The following STEAP1B variants were observed in gnomAD, a reference collection of about 807,000 sequenced individuals.
STEAP1B encodes STEAP family protein MGC87042.
A neutral mutation model predicts 27.9 loss-of-function variants in STEAP1B; 13 were observed. The ratio of observed to expected loss-of-function variants is 0.47; its 90% CI spans 0.30 to 0.74. The LOEUF is 0.74. Among genes scored for constraint, STEAP1B ranks in the 30% least tolerant of loss-of-function variants. The probability of loss-of-function intolerance (pLI) is 0.06; values close to 1 mark genes in which losing one functional copy is unlikely to be tolerated. For missense variants in STEAP1B, 250 were observed against 298.7 expected (o/e 0.84, Z 1.20); for synonymous variants, 86 against 107.1 (o/e 0.80, Z 1.22).
intron 4 of STEAP1B, among the ~76,000 whole-genome samples, chr7:22,487,802 C>T (rs202069434): frequency 0.11 from 14,164 of 133,440 alleles, 773 homozygotes; most frequent in Non-Finnish European, 0.12. Flanking sequence ...CAAAACTCCA[C>T]CCAAAAAAAA....
chr7:22,474,203 G>C (rs921325941), intron 4 of STEAP1B, among the ~76,000 whole-genome samples: 2 of 152,142 alleles, frequency 1.3e-5, no homozygotes, highest in Admixed American at 1.3e-4. Flanking sequence ...AATATGTATA[G>C]ATGTCCCATG....
At chr7:22,456,250 G>A (rs1785577236) in intron 4 of STEAP1B, among the ~76,000 whole-genome samples, 1 of 152,158 alleles carries the variant, frequency 6.6e-6, no homozygotes, top group Non-Finnish European at 1.5e-5. Context: ...AAAGATCCAT[G>A]GTTTGGATTG....
chr7:22,436,959 G>A (rs1785262732), intron 4 of STEAP1B, among the ~76,000 whole-genome samples: 1 of 152,154 alleles, frequency 6.6e-6, no homozygotes, highest in Non-Finnish European at 1.5e-5. Context: ...AAGATTTCAT[G>A]ATGAAGACAA....
intron 4 of STEAP1B, among the ~76,000 whole-genome samples, chr7:22,452,192 T>C (rs1375444755): frequency 3.3e-5 from 5 of 152,152 alleles, no homozygotes; most frequent in African/African-American, 1.2e-4. Context: ...GAAAGGTAAG[T>C]AAGGAAAGAC....
chr7:22,451,226 G>T (rs1373376239), intron 4 of STEAP1B, among the ~76,000 whole-genome samples: 3 of 151,640 alleles, frequency 2.0e-5, no homozygotes, highest in Non-Finnish European at 4.4e-5. Flanking sequence ...TACTTTTTCA[G>T]ATTGTTCATT....
intron 4 of STEAP1B, among the ~76,000 whole-genome samples, chr7:22,425,361 C>G (rs1299043180): frequency 2.0e-5 from 3 of 152,174 alleles, no homozygotes; most frequent in Non-Finnish European, 4.4e-5. Context: ...CAGTATTATC[C>G]ATGGCCTATA....
At chr7:22,450,179 T>G (rs917900927) in intron 4 of STEAP1B, among the ~76,000 whole-genome samples, 1 of 152,192 alleles carries the variant, frequency 6.6e-6, no homozygotes, top group Admixed American at 6.5e-5. Flanking sequence ...CCTGTGCTTG[T>G]GGAGTATTAC....
At chr7:22,484,985 A>G (rs948901136) in intron 4 of STEAP1B, among the ~76,000 whole-genome samples, 1 of 152,256 alleles carries the variant, frequency 6.6e-6, no homozygotes, top group African/African-American at 2.4e-5. Flanking sequence ...TAAAACTTGA[A>G]CAAGTGAGGA....
chr7:22,431,358 TCTCC>T (rs1785184854), intron 4 of STEAP1B, among the ~76,000 whole-genome samples: 1 of 152,168 alleles, frequency 6.6e-6, no homozygotes, highest in Non-Finnish European at 1.5e-5. Context: ...AAAAAATCTC[TCTCC>T]CAATAGCTCT....
intron 4 of STEAP1B, among the ~76,000 whole-genome samples, chr7:22,481,727 G>A (rs933587412): frequency 6.6e-6 from 1 of 152,214 alleles, no homozygotes; most frequent in Non-Finnish European, 1.5e-5. Context: ...CTACATTTCA[G>A]TGCACTTAGA....
At chr7:22,427,142 T>C (rs1289215551) in intron 4 of STEAP1B, among the ~76,000 whole-genome samples, 1 of 152,174 alleles carries the variant, frequency 6.6e-6, no homozygotes, top group Non-Finnish European at 1.5e-5. Flanking sequence ...CAGTGGGCCA[T>C]GCAGTGACCT....
At chr7:22,492,185 G>T (rs557963885) in intron 4 of STEAP1B, among the ~76,000 whole-genome samples, 3 of 151,732 alleles carry the variant, frequency 2.0e-5, no homozygotes, top group African/African-American at 7.3e-5. Flanking sequence ...TGGACATGGT[G>T]ATGGGTGCCT....
chr7:22,462,468 G>T (rs1309496140), intron 4 of STEAP1B, among the ~76,000 whole-genome samples: 1 of 130,338 alleles, frequency 7.7e-6, no homozygotes, highest in Non-Finnish European at 1.6e-5. Context: ...ACCTATGAGT[G>T]AGAATACGCG....
At chr7:22,490,683 GT>G (rs1469118525) in intron 4 of STEAP1B, among the ~76,000 whole-genome samples, 2 of 152,178 alleles carry the variant, frequency 1.3e-5, no homozygotes, top group East Asian at 3.8e-4. Context: ...GTAATGATGG[GT>G]GGGCTCATTT....
At chr7:22,439,599 T>C (rs2128401637) in intron 4 of STEAP1B, among the ~76,000 whole-genome samples, 1 of 152,264 alleles carries the variant, frequency 6.6e-6, no homozygotes, top group South Asian at 2.1e-4. Context: ...GTAATAGGAA[T>C]ACAAAATTTT....
intron 2 of STEAP1B, 137 bp downstream of exon 2, chr7:22,494,635 G>A: frequency 1.7e-6 from 1 of 581,742 alleles, no homozygotes; most frequent in South Asian, 2.4e-5. Context: ...CACAGTATCA[G>A]TGACAGTAAT....
chr7:22,426,504 C>G (rs1247148460), intron 4 of STEAP1B, among the ~76,000 whole-genome samples: 1 of 152,112 alleles, frequency 6.6e-6, no homozygotes, highest in Non-Finnish European at 1.5e-5. Context: ...CTTTCTCCAC[C>G]CCAACTTCAT....
chr7:22,466,821 A>G (rs1785792575), intron 4 of STEAP1B, among the ~76,000 whole-genome samples: 1 of 152,210 alleles, frequency 6.6e-6, no homozygotes, highest in Admixed American at 6.5e-5. Context: ...TGTTAAAAGC[A>G]GACTCCAGAG....
intron 4 of STEAP1B, among the ~76,000 whole-genome samples, chr7:22,477,352 C>T (rs1785990669): frequency 6.6e-6 from 1 of 152,014 alleles, no homozygotes; most frequent in Admixed American, 6.6e-5. Context: ...ATGCCCCCAC[C>T]CAACTCTTTC....
Sources: gnomAD v4.1 joint callset for allele counts (sites outside exome capture counted in the v4.1 genomes callset) on GRCh38, gnomAD v4.1.1 for gene constraint, MANE v1.5 for transcripts, NCBI Gene and HGNC (gene_info 2026-07-23, HGNC 2026-07-21) for gene names.